Variants in EEF1AKMT2 observed in about 807,000 individuals in gnomAD.
EEF1AKMT2 encodes the protein eukaryotic translation elongation factor 1 alpha lysine methyltransferase 2.
EEF1AKMT2 carries 32 observed loss-of-function variants against 35.8 expected under a neutral mutation model. That is an observed-to-expected ratio of 0.89 (90% confidence interval 0.67 to 1.20). The LOEUF is 1.20. Ranked by LOEUF, EEF1AKMT2 falls within the 50% of genes most tolerant of loss-of-function variation. EEF1AKMT2 has a pLI of 0.00. For synonymous variants in EEF1AKMT2, 121 were observed against 133.7 expected, an observed-to-expected ratio of 0.91 and a Z score of 0.65; for missense variants, 330 against 347.5, an observed-to-expected ratio of 0.95 and a Z score of 0.40.
intron 3 of EEF1AKMT2, among the ~76,000 whole-genome samples, chr10:124,776,997 G>A (rs1477743560): frequency 1.3e-5 from 2 of 151,842 alleles, no homozygotes. Flanking sequence ...GACATAATAT[G>A]GGCCGGGCAT....
At position 124,758,912 on chromosome 10, in the gene EEF1AKMT2, T is replaced by G. The variant is rs1234755207; in HGVS notation, c.*1591A>C. 4 of 152,318 alleles carry G rather than the reference T, an allele frequency of 2.6e-5. No homozygotes were observed. Among genetic ancestry groups the G allele is most frequent in the African/African-American group, 9.6e-5 (4 of 41,582 alleles). 9.4% of individuals were successfully genotyped at this position (152,318 alleles called of 1,614,324 possible). A position where few individuals can be genotyped will look rare whatever the true frequency, so the allele number is the denominator to read the frequency against. On this transcript the variant is annotated 3_prime_UTR_variant, in exon 7 of 7. Transcript: ENST00000368836. ...GAAAATAAAAGCTTTTCAAAAAATG[T>G]TATTTTTGTTGACAGTCCACATACA... is the stretch of plus-strand genomic sequence containing the variant.
chr10:124,768,368 G>A (rs1041257808), intron 4 of EEF1AKMT2, among the ~76,000 whole-genome samples: 4 of 152,148 alleles, frequency 2.6e-5, no homozygotes, highest in African/African-American at 7.2e-5. Context: ...CAGCACTCTG[G>A]GAGGCCAAGG....
chr10:124,781,620 A>AG (rs1471990040), intron 3 of EEF1AKMT2, among the ~76,000 whole-genome samples: 1 of 148,872 alleles, frequency 6.7e-6, no homozygotes, highest in Non-Finnish European at 1.5e-5. Context: ...TATTCAGCCA[A>AG]AAAAAAAAAA....
At chr10:124,777,402 A>G (rs1359993079) in intron 3 of EEF1AKMT2, among the ~76,000 whole-genome samples, 1 of 152,124 alleles carries the variant, frequency 6.6e-6, no homozygotes, top group African/African-American at 2.4e-5. Context: ...GGTAGAGCCC[A>G]CTGCACACTT....
chr10:124,790,895 G>C (rs913380231), intron 1 of EEF1AKMT2, among the ~76,000 whole-genome samples: 5 of 152,146 alleles, frequency 3.3e-5, no homozygotes, highest in Non-Finnish European at 5.9e-5. Flanking sequence ...CTCCCGAGTA[G>C]CTGGGACTAC....
intron 1 of EEF1AKMT2, 144 bp from the exon 2 acceptor site, chr10:124,790,482 C>T (rs917986850): frequency 1.6e-6 from 1 of 642,482 alleles, no homozygotes. Flanking sequence ...ATAGTTCAAT[C>T]TTTTAACGTC....
chr10:124,770,846 T>C (rs1395507519), intron 4 of EEF1AKMT2, among the ~76,000 whole-genome samples: 9 of 152,216 alleles, frequency 5.9e-5, no homozygotes, highest in Non-Finnish European at 1.2e-4. Flanking sequence ...CAACTCCTTA[T>C]CTGATCAAGT....
rs1292109192 is a variant in EEF1AKMT2 at position 124,762,344 on chromosome 10, G to C, written c.831C>G (p.Pro277=). ...TGGCATGGTATAATCCCAGCACTTT[G>C]GGAGGCCAGGTGGGAGAATCACTTG... is the stretch of plus-strand genomic sequence containing the variant. The part of the protein sequence containing the change: ...LGSSDSPTWP[P]KVLGLYHARP... The change falls in exon 6 of 7, where the codon CCC becomes CCG. Residue 277 remains proline (P), a synonymous_variant. Transcript: ENST00000368836. 3.2e-6 allele frequency: 4 copies of C among 1,244,864 alleles called. No homozygotes were observed. In the Middle Eastern group the frequency reaches 6.7e-4, roughly 210 times the overall value. The allele number at this position is 1,244,864 out of a possible 1,614,324, so 77.1% of individuals were successfully genotyped here.
intron 3 of EEF1AKMT2, among the ~76,000 whole-genome samples, chr10:124,778,162 G>GT (rs1191728266): frequency 1.3e-5 from 2 of 151,470 alleles, no homozygotes; most frequent in East Asian, 3.9e-4. Flanking sequence ...GTTATAGTGT[G>GT]TATGTATAGA....
rs1181904424 is a variant in EEF1AKMT2, at chr10:124,791,752, C to G, written c.82G>C (p.Val28Leu). The change falls in exon 1 of 7, where the codon GTC becomes CTC. Residue 28 changes from valine (V) to leucine (L), a missense_variant. By Grantham distance (32) the Val-to-Leu change is conservative (BLOSUM62 1). Transcript: ENST00000368836. ...TCGCGGGTCCCCAGCGCCGACGGGA[C>G]GAAACCGTCCTCCCCGGGACTGCCC... is the stretch of plus-strand genomic sequence containing the variant. ...DKGSPGEDGFVPSALGTREHW... is the reference protein window; with the variant it reads ...DKGSPGEDGFLPSALGTREHW... 6.3e-7 allele frequency: 1 copy of G among 1,593,950 alleles called. No homozygotes were observed. The highest frequency in any genetic ancestry group is 8.5e-7 in the Non-Finnish European group (1 of 1,174,404).
chr10:124,773,000 G>A (rs766106716), intron 4 of EEF1AKMT2, among the ~76,000 whole-genome samples: 1 of 152,166 alleles, frequency 6.6e-6, no homozygotes, highest in Non-Finnish European at 1.5e-5. Context: ...AAGAAATTTT[G>A]TTTTGCATTC....
intron 3 of EEF1AKMT2, among the ~76,000 whole-genome samples, chr10:124,777,363 C>T (rs994722978): frequency 3.3e-5 from 5 of 151,734 alleles, no homozygotes; most frequent in African/African-American, 1.2e-4. Context: ...TCATGTGTCA[C>T]CATGGAGTGT....
chr10:124,763,762 G>A (rs1950352616), intron 5 of EEF1AKMT2, among the ~76,000 whole-genome samples: 2 of 152,068 alleles, frequency 1.3e-5, no homozygotes, highest in East Asian at 1.9e-4. Context: ...AAGAACACCT[G>A]TATTTAAAAA....
At chr10:124,776,899 A>C (rs1589787340) in intron 3 of EEF1AKMT2, among the ~76,000 whole-genome samples, 1 of 147,902 alleles carries the variant, frequency 6.8e-6, no homozygotes, top group Admixed American at 6.8e-5. Context: ...TAAAAAAAAA[A>C]TCAGCAAAGA....
chr10:124,766,194 T>C (rs1006009896), intron 4 of EEF1AKMT2: 2 of 152,392 alleles, frequency 1.3e-5, no homozygotes, highest in Admixed American at 1.3e-4. Context: ...TTCTTGGGCC[T>C]TGGCTGGTCT....
rs147182290 is a variant in EEF1AKMT2 at position 124,765,439 on chromosome 10, G to A, written c.569C>T (p.Thr190Met). ...VLKVKGFFLITSCNWTKEELL... is the reference protein window; with the variant it reads ...VLKVKGFFLIMSCNWTKEELL... ...CTCTTCCTTGGTCCAATTACATGAC[G>A]TTATTAGAAAAAAGCCTTTTACTTT... is the stretch of plus-strand genomic sequence containing the variant. The change falls in exon 5 of 7, where the codon ACG becomes ATG. Residue 190 changes from threonine (T) to methionine (M), a missense_variant. Transcript: ENST00000368836. 1.0e-4 allele frequency: 162 copies of A among 1,613,908 alleles called. 2 individuals are homozygous for A. In the South Asian group the frequency reaches 1.2e-3, roughly 12 times the overall value.
chr10:124,770,771 T>C (rs1950425972), intron 4 of EEF1AKMT2, among the ~76,000 whole-genome samples: 1 of 152,230 alleles, frequency 6.6e-6, no homozygotes, highest in Non-Finnish European at 1.5e-5. Flanking sequence ...AAATCCTTTT[T>C]CAACAATGTT....
chr10:124,791,339 T>C (rs1342685015), intron 1 of EEF1AKMT2, among the ~76,000 whole-genome samples: 2 of 152,004 alleles, frequency 1.3e-5, no homozygotes, highest in Non-Finnish European at 2.9e-5. Flanking sequence ...ACTCAGCCTT[T>C]TCGGCTCCCA....
intron 4 of EEF1AKMT2, among the ~76,000 whole-genome samples, chr10:124,768,980 G>C (rs568809022): frequency 1.5e-4 from 23 of 150,986 alleles, no homozygotes; most frequent in African/African-American, 5.6e-4. Context: ...TGTAATCCTA[G>C]CACTTTGGAA....
Sources: allele counts gnomAD v4.1 joint callset (sites outside exome capture counted in the v4.1 genomes callset), GRCh38; gene constraint gnomAD v4.1.1; transcripts MANE v1.5; gene names NCBI Gene and HGNC (gene_info 2026-07-23, HGNC 2026-07-21).